SH3BP4: variants seen among roughly 807,000 people sequenced by gnomAD.
SH3BP4 encodes the protein SH3 domain-binding protein 4.
SH3BP4 carries 33 observed loss-of-function variants against 65.5 expected under a neutral mutation model. The observed-to-expected ratio is 0.50, with a 90% CI of 0.38 to 0.67. The LOEUF (loss-of-function observed/expected upper bound fraction) is 0.67. Among genes scored for constraint, SH3BP4 ranks in the 30% least tolerant of loss-of-function variants. The pLI, the probability that SH3BP4 is intolerant of heterozygous loss-of-function variation, is 0.00. For synonymous variants in SH3BP4, 552 were observed against 545.5 expected (o/e 1.01, Z -0.17); for missense variants, 1,134 against 1,261.4 (o/e 0.90, Z 1.53).
intron 1 of SH3BP4, among the ~76,000 whole-genome samples, chr2:234,959,560 C>T (rs545161029): frequency 1.3e-5 from 2 of 152,238 alleles, no homozygotes; most frequent in Admixed American, 6.5e-5. Context: ...TGGCCATCCC[C>T]GTAGTTCTGT....
At chr2:235,051,763 C>T (rs758264144) in intron 4 of SH3BP4, among the ~76,000 whole-genome samples, 4 of 152,082 alleles carry the variant, frequency 2.6e-5, no homozygotes, top group African/African-American at 4.8e-5. Flanking sequence ...GCCTTCTACC[C>T]GCGGTGCTCT....
In SH3BP4 at chr2:235,052,091, C is replaced by T. The variant is rs1007663589; in HGVS notation, c.2479-471C>T. Among the ~76,000 whole-genome samples the T allele has an allele frequency of 6.6e-6, 1 of 152,184 alleles. No individual in the cohort carries two copies. Among genetic ancestry groups the T allele is most frequent in the Non-Finnish European group, 1.5e-5 (1 of 68,038 alleles). On this transcript the variant is annotated intron_variant, in intron 4 of 5. Coordinates refer to ENST00000392011, the MANE Select transcript of SH3BP4 (RefSeq NM_014521.3). This position sits in a 1 kb window ranked among gnomAD's most constrained non-coding sequence, Gnocchi z 5.0. Reference sequence around the variant, plus strand: ...GCAGTGGGGGAGAAGGGGTTGCAGGCCTGCCTCTCCTAAGCCCCACTGGCT... The same window carrying T: ...GCAGTGGGGGAGAAGGGGTTGCAGGTCTGCCTCTCCTAAGCCCCACTGGCT...
Position 234,991,660 on chromosome 2 carries a change from G to A in SH3BP4, c.-206-3643G>A, listed in dbSNP as rs1040969788. ...TGGTGCCCACAGGAGAACAGTGCTT[G>A]ACTGAAAGATCGTACCCCCCTCTTC... is the stretch of plus-strand genomic sequence containing the variant. On this transcript the variant is annotated intron_variant, in intron 1 of 5. Coordinates refer to ENST00000392011, the MANE Select transcript of SH3BP4 (RefSeq NM_014521.3). The surrounding 1 kb of genome is among the most constrained non-coding windows in gnomAD (Gnocchi z 4.2). 5.9e-5 allele frequency among the ~76,000 whole-genome samples: 9 copies of A among 152,216 alleles called. No individual in the cohort carries two copies. The highest frequency in any genetic ancestry group is 2.6e-4 in the Admixed American group (4 of 15,286).
In SH3BP4 at chr2:235,035,088, G is replaced by T. The variant is rs778776209; in HGVS notation, c.86G>T (p.Gly29Val). ...GGGACCCTGATTGACCTGAGCGAAG[G>T]GTTTTCAGAGACGAGCTTTAATGAC... is the stretch of plus-strand genomic sequence containing the variant. ...SEGTLIDLSE[G>V]FSETSFNDIK... is the part of the protein sequence containing the mutation. The change falls in exon 3 of 6, where the codon GGG (glycine) becomes GTG (valine). Residue 29 changes from glycine to valine, a missense_variant. Gly to Val is a moderately radical substitution (Grantham distance 109). Transcript: ENST00000392011. This position sits in a 1 kb window ranked among gnomAD's most constrained non-coding sequence, Gnocchi z 5.0. 1 of 1,614,096 alleles carries T rather than the reference G, an allele frequency of 6.2e-7. No homozygotes were observed. The highest frequency in any genetic ancestry group is 1.7e-5 in the Admixed American group (1 of 60,020).
At chr2:234,955,051 T>C (rs1386396786) in intron 1 of SH3BP4, among the ~76,000 whole-genome samples, 1 of 152,176 alleles carries the variant, frequency 6.6e-6, no homozygotes, top group African/African-American at 2.4e-5. Flanking sequence ...CACACCTAAA[T>C]TGGGCTGTGT....
intron 2 of SH3BP4, among the ~76,000 whole-genome samples, chr2:235,004,550 C>T: frequency 6.6e-6 from 1 of 152,170 alleles, no homozygotes; most frequent in South Asian, 2.1e-4. Flanking sequence ...CCCTGACAAC[C>T]ACTGCTCTGC....
chr2:234,981,075 G>A (rs943204196), intron 1 of SH3BP4, among the ~76,000 whole-genome samples: 6 of 152,256 alleles, frequency 3.9e-5, no homozygotes, highest in South Asian at 2.1e-4. Context: ...TCTTAGTTAC[G>A]AGCATTGCAG....
At chr2:234,980,943 G>A (rs1693358465) in intron 1 of SH3BP4, among the ~76,000 whole-genome samples, 1 of 152,132 alleles carries the variant, frequency 6.6e-6, no homozygotes, top group African/African-American at 2.4e-5. Context: ...AGGCTGGAGT[G>A]CAGTGGCGCA....
intron 1 of SH3BP4, among the ~76,000 whole-genome samples, chr2:234,964,852 A>C (rs924093198): frequency 5.3e-5 from 8 of 152,086 alleles, no homozygotes; most frequent in Non-Finnish European, 1.0e-4. Context: ...GGGCCGGGTG[A>C]CCTGCCTGGG....
At chr2:235,043,289 C>T (rs1187816429) in intron 4 of SH3BP4, 42 bp downstream of exon 4, 2 of 1,483,882 alleles carry the variant, frequency 1.3e-6, no homozygotes, top group East Asian at 2.3e-5. Flanking sequence ...GGGTGCTGCT[C>T]AGCAAAGCCT....
chr2:234,962,436 C>A (rs1208237523), intron 1 of SH3BP4, among the ~76,000 whole-genome samples: 1 of 151,982 alleles, frequency 6.6e-6, no homozygotes, highest in Non-Finnish European at 1.5e-5. Flanking sequence ...CTGTGCCTGG[C>A]CTCTTCTTTT....
intron 2 of SH3BP4, among the ~76,000 whole-genome samples, chr2:235,019,125 A>C (rs540228197): frequency 1.3e-5 from 2 of 152,214 alleles, no homozygotes; most frequent in South Asian, 2.1e-4. Flanking sequence ...AAGAGGTGAA[A>C]TTTTGTTCTG....
Position 235,054,406 on chromosome 2 carries a change from G to A in SH3BP4, c.*590G>A, listed in dbSNP as rs1696162954. On this transcript the variant is annotated 3_prime_UTR_variant, in exon 6 of 6. Transcript: ENST00000392011. ...GCTCATTCTTTCTGAGAAGGCCCCA[G>A]GTCCTGCTCCCTCCTCGGATTTGAT... The A allele has an allele frequency of 1.3e-5, 2 of 152,658 alleles. No individual in the cohort carries two copies. Among genetic ancestry groups the A allele is most frequent in the African/African-American group, 4.8e-5 (2 of 41,416 alleles). The allele number at this position is 152,658 out of a possible 1,614,324, so 9.5% of individuals were successfully genotyped here. A position where few individuals can be genotyped will look rare whatever the true frequency, so the allele number is the denominator to read the frequency against.
intron 4 of SH3BP4, among the ~76,000 whole-genome samples, chr2:235,043,976 T>C (rs575825379): frequency 6.6e-6 from 1 of 152,296 alleles, no homozygotes; most frequent in African/African-American, 2.4e-5. Context: ...ATGGACCAGA[T>C]GCGGGTGGGG....
chr2:234,962,064 A>G (rs4663173), intron 1 of SH3BP4, among the ~76,000 whole-genome samples: 139,593 of 152,220 alleles, frequency 0.92, 64,599 homozygotes, highest in African/African-American at 0.98. Context: ...GGAGGTGATA[A>G]CATCTTTTGT....
intron 1 of SH3BP4, among the ~76,000 whole-genome samples, chr2:234,968,468 T>A (rs1308335110): frequency 1.3e-5 from 2 of 151,848 alleles, no homozygotes; most frequent in Non-Finnish European, 2.9e-5. Context: ...TCTAGTACAG[T>A]TTTTTACTTT....
intron 1 of SH3BP4, among the ~76,000 whole-genome samples, chr2:234,985,019 G>T (rs1693503678): frequency 6.6e-6 from 1 of 152,168 alleles, no homozygotes; most frequent in African/African-American, 2.4e-5. Context: ...GGAGGCGGGG[G>T]CGTCGACCCC....
intron 2 of SH3BP4, among the ~76,000 whole-genome samples, chr2:235,012,662 A>G (rs4663181): frequency 0.29 from 44,426 of 152,128 alleles, 9,819 homozygotes; most frequent in African/African-American, 0.61. Flanking sequence ...AGGGTGCAAC[A>G]GCTCTTGCTA....
chr2:234,982,016 C>G (rs921458027), intron 1 of SH3BP4, among the ~76,000 whole-genome samples: 1 of 152,196 alleles, frequency 6.6e-6, no homozygotes, highest in Non-Finnish European at 1.5e-5. Flanking sequence ...CTCCCTCTGA[C>G]TGGCACAGGC....
Sources: gnomAD v4.1 joint callset for allele counts (sites outside exome capture counted in the v4.1 genomes callset) on GRCh38, gnomAD v4.1.1 for gene constraint, Gnocchi (gnomAD v3.1) non-coding constraint, MANE v1.5 for transcripts, NCBI Gene and HGNC (gene_info 2026-07-23, HGNC 2026-07-21) for gene names.